Variants in ADAMTS9 observed in about 807,000 individuals in gnomAD.
The protein encoded by ADAMTS9 is A disintegrin and metalloproteinase with thrombospondin motifs 9.
Under a neutral mutation model 257.1 loss-of-function variants are expected in ADAMTS9, and 107 were observed. The observed-to-expected ratio is 0.42, with a 90% CI of 0.36 to 0.49. ADAMTS9 has a LOEUF of 0.49. Among genes scored for constraint, ADAMTS9 ranks in the 20% least tolerant of loss-of-function variants. ADAMTS9 has a pLI of 0.03. For synonymous variants in ADAMTS9, 982 were observed against 880.9 expected, an observed-to-expected ratio of 1.11 and a Z score of -2.03; for missense variants, 2,353 against 2,469.1, an observed-to-expected ratio of 0.95 and a Z score of 1.00.
rs1701009653 is a variant in ADAMTS9 at position 64,654,465 on chromosome 3, GA to G, written c.1211-8del. 6.2e-7 allele frequency: 1 copy of G among 1,612,508 alleles called. No individual in the cohort carries two copies. The highest frequency in any genetic ancestry group is 1.7e-5 in the Admixed American group (1 of 59,670). On this transcript the variant is annotated splice_polypyrimidine_tract_variant and splice_region_variant and intron_variant, in intron 7 of 39. Transcript: ENST00000498707. The stretch of plus-strand genomic sequence containing the variant: ...GTTCCCAGTTCAGCCAGGCCTATTA[GA>G]AGGAAAAAAACCAACAAGGATTTAC...
At chr3:64,665,602 C>T (rs1231665428) in intron 3 of ADAMTS9, among the ~76,000 whole-genome samples, 1 of 152,190 alleles carries the variant, frequency 6.6e-6, no homozygotes, top group African/African-American at 2.4e-5. Context: ...GGTAGAGTGA[C>T]TAAGTGTGCT....
chr3:64,582,740 C>T (rs1004166416), intron 28 of ADAMTS9: 2 of 152,118 alleles, frequency 1.3e-5, no homozygotes, highest in Non-Finnish European at 2.9e-5. Context: ...TTATCTGGCC[C>T]CAAATATGAA....
In ADAMTS9 at chr3:64,530,526, TAA is replaced by T. The variant is rs55726329; in HGVS notation, c.5718+2638_5718+2639del. Among the ~76,000 whole-genome samples, 232 of 116,580 alleles carry T rather than the reference TAA, an allele frequency of 2.0e-3. 3 individuals carry two copies. Among genetic ancestry groups the T allele is most frequent in the Admixed American group, 5.0e-3 (56 of 11,112 alleles). The allele number at this position is 116,580 out of a possible 152,430, so 76.5% of individuals were successfully genotyped here. A position where few individuals can be genotyped will look rare whatever the true frequency, so the allele number is the denominator to read the frequency against. ...TGAACTGCCAAGGAACACCAAGATT[TAA>T]AAAAAAAAAAAAAAAAAAAAATGCC... On this transcript the variant is annotated intron_variant, in intron 38 of 39. Transcript: ENST00000498707.
Position 64,602,001 on chromosome 3 carries a change from G to A in ADAMTS9, c.3960C>T (p.Ser1320=). The A allele has an allele frequency of 6.2e-7, 1 of 1,614,014 alleles. No individual in the cohort carries two copies. Among genetic ancestry groups the A allele is most frequent in the Non-Finnish European group, 8.5e-7 (1 of 1,179,940 alleles). The change falls in exon 26 of 40, where the codon AGC becomes AGT. Residue 1320 remains serine, a synonymous_variant. Transcript: ENST00000498707. The stretch of plus-strand genomic sequence containing the variant: ...CACCGAGCACATGGGTGCGGCTGGG[G>A]CTGGCGCTCCGGGGACGATAGTCCT... ...QNEDYRPRSA[S]PSRTHVLGGN...
At chr3:64,615,666 C>A (rs1474675307) in intron 20 of ADAMTS9, among the ~76,000 whole-genome samples, 181 bp from the exon 21 acceptor site, 1 of 152,018 alleles carries the variant, frequency 6.6e-6, no homozygotes, top group Non-Finnish European at 1.5e-5. Flanking sequence ...TAATTAAACT[C>A]AAAATTAGCT....
chr3:64,576,847 C>A (rs946515595), intron 28 of ADAMTS9, among the ~76,000 whole-genome samples: 3 of 152,090 alleles, frequency 2.0e-5, no homozygotes, highest in African/African-American at 7.2e-5. Context: ...AATATGAGAA[C>A]CAAGTAGGTG....
intron 3 of ADAMTS9, among the ~76,000 whole-genome samples, chr3:64,661,389 A>C (rs1475667222): frequency 1.3e-5 from 2 of 152,212 alleles, no homozygotes; most frequent in Non-Finnish European, 2.9e-5. Context: ...TTAAACAAGC[A>C]CCTACTATGT....
At chr3:64,625,494 G>A (rs749311073) in intron 16 of ADAMTS9, among the ~76,000 whole-genome samples, 2 of 152,202 alleles carry the variant, frequency 1.3e-5, no homozygotes, top group African/African-American at 4.8e-5. Context: ...AGCAGCAGCA[G>A]GATCCTTAAT....
intron 30 of ADAMTS9, among the ~76,000 whole-genome samples, chr3:64,559,345 A>G (rs1301491293): frequency 6.6e-6 from 1 of 152,116 alleles, no homozygotes; most frequent in Non-Finnish European, 1.5e-5. Context: ...TGCCAATGAG[A>G]GGCCTCCTGT....
chr3:64,582,654 A>G (rs2084036385), intron 28 of ADAMTS9: 1 of 152,186 alleles, frequency 6.6e-6, no homozygotes, highest in African/African-American at 2.4e-5. Flanking sequence ...GGGGTATGCT[A>G]TTGGCATCCA....
chr3:64,520,505 G>A (rs374360544), intron 39 of ADAMTS9, among the ~76,000 whole-genome samples: 4 of 152,038 alleles, frequency 2.6e-5, no homozygotes, highest in African/African-American at 9.7e-5. Flanking sequence ...CAAAAAGAAC[G>A]AAGCCAGAGG....
chr3:64,593,147 C>T (rs1273297506), intron 28 of ADAMTS9, among the ~76,000 whole-genome samples: 1 of 152,098 alleles, frequency 6.6e-6, no homozygotes, highest in Admixed American at 6.5e-5. Context: ...TAAATAGTAC[C>T]AGTGGAGATA....
intron 14 of ADAMTS9, 84 bp from the exon 15 acceptor site, chr3:64,632,009 G>C: frequency 9.4e-7 from 1 of 1,065,278 alleles, no homozygotes; most frequent in Non-Finnish European, 1.4e-6. Flanking sequence ...TTAATCGTGT[G>C]CACTAAAAAT....
chr3:64,572,443 T>C (rs1477254745), intron 28 of ADAMTS9, among the ~76,000 whole-genome samples: 1 of 152,138 alleles, frequency 6.6e-6, no homozygotes, highest in African/African-American at 2.4e-5. Context: ...TGCAGACGAA[T>C]ATGGGTTTGG....
At chr3:64,588,103 A>C (rs2084193433) in intron 28 of ADAMTS9, 1 of 152,206 alleles carries the variant, frequency 6.6e-6, no homozygotes, top group Non-Finnish European at 1.5e-5. Context: ...TCTGTCATTT[A>C]AAATGACTGG....
intron 3 of ADAMTS9, among the ~76,000 whole-genome samples, chr3:64,669,859 A>C (rs1212049630): frequency 6.6e-6 from 1 of 152,224 alleles, no homozygotes; most frequent in Non-Finnish European, 1.5e-5. Context: ...GCTAAAACAG[A>C]TAATAGTTTC....
chr3:64,531,260 A>T (rs2082977514), intron 38 of ADAMTS9, among the ~76,000 whole-genome samples: 1 of 152,166 alleles, frequency 6.6e-6, no homozygotes, highest in African/African-American at 2.4e-5. Context: ...CCTCTTTCTC[A>T]GGTGAGGGAG....
In ADAMTS9 at chr3:64,603,845, C is replaced by T. The variant is rs1348997607; in HGVS notation, c.3747+77G>A. 2.0e-5 allele frequency: 29 copies of T among 1,466,334 alleles called. No homozygotes were observed. The South Asian group carries it at 2.7e-4, about 13-fold the overall frequency. The allele number at this position is 1,466,334 out of a possible 1,614,324, so 90.8% of individuals were successfully genotyped here. On this transcript the variant is annotated intron_variant, in intron 25 of 39. Transcript: ENST00000498707. ...ATTACCCATTGACATTTCCAAGTGG[C>T]GCCCCCCTCCGCTGACTCCTCATAG...
In ADAMTS9 at chr3:64,655,808, A is replaced by C; in HGVS notation, c.1037T>G (p.Val346Gly). 1 of 1,573,148 alleles carries C rather than the reference A, an allele frequency of 6.4e-7. No homozygotes were observed. The highest frequency in any genetic ancestry group is 1.4e-5 in the African/African-American group (1 of 72,630). The change falls in exon 5 of 40, where the codon GTG becomes GGG. Residue 346 changes from valine to glycine, a missense_variant. Coordinates refer to ENST00000498707, the MANE Select transcript of ADAMTS9 (RefSeq NM_182920.2). ...LINIVIVNLI[V>G]IHNEQDGPSI... is the part of the protein sequence containing the mutation. ...CTTTATTACCTGTTCATTATGAATC[A>C]CAATTAAGTTCACAATAACAATATT...
Sources: gnomAD v4.1 joint callset for allele counts (sites outside exome capture counted in the v4.1 genomes callset) on GRCh38, gnomAD v4.1.1 for gene constraint, MANE v1.5 for transcripts, NCBI Gene and HGNC (gene_info 2026-07-23, HGNC 2026-07-21) for gene names.